The following TNFRSF1B variants were observed in gnomAD, a reference collection of about 807,000 sequenced individuals.
TNFRSF1B encodes the protein TNF receptor superfamily member 1B.
TNFRSF1B carries 19 observed loss-of-function variants against 44.6 expected under a neutral mutation model. The ratio of observed to expected loss-of-function variants is 0.43; its 90% CI spans 0.30 to 0.62. The LOEUF (loss-of-function observed/expected upper bound fraction) is 0.62, where lower values mean the gene tolerates loss of function less well. TNFRSF1B is among the 20% of genes least tolerant of loss of function. The pLI is 0.16. For synonymous variants in TNFRSF1B, 252 were observed against 261.1 expected (o/e 0.97, Z 0.34); for missense variants, 541 against 619.9 (o/e 0.87, Z 1.35).
rs1423915080 is a variant in TNFRSF1B, at chr1:12,180,204, A to G, written c.79-8592A>G. On this transcript the variant is annotated intron_variant, in intron 1 of 9. Transcript: ENST00000376259. The surrounding 1 kb of genome is among the most constrained non-coding windows in gnomAD (Gnocchi z 4.3). ...CAGCACTTTGGGAGGCTGAGGGAGG[A>G]GGATCGCTTAAGGCCAGGAGTTCAA... Among the ~76,000 whole-genome samples the G allele has an allele frequency of 1.3e-5, 2 of 152,148 alleles. No individual in the cohort carries two copies. The highest frequency in any genetic ancestry group is 2.9e-5 in the Non-Finnish European group (2 of 68,016).
chr1:12,200,071 A>G (rs1639353233), intron 8 of TNFRSF1B, among the ~76,000 whole-genome samples: 2 of 152,102 alleles, frequency 1.3e-5, no homozygotes, highest in Admixed American at 1.3e-4. Flanking sequence ...ACACCCAGGA[A>G]AGGCCCTTTG....
At position 12,187,171 on chromosome 1, in the gene TNFRSF1B, G is replaced by C. The variant is rs1418067578; in HGVS notation, c.79-1625G>C. 7.1e-6 allele frequency among the ~76,000 whole-genome samples: 1 copy of C among 141,524 alleles called. No homozygotes were observed. Among genetic ancestry groups the C allele is most frequent in the Non-Finnish European group, 1.5e-5 (1 of 65,612 alleles). 92.8% of individuals were successfully genotyped at this position (141,524 alleles called of 152,430 possible). A position where few individuals can be genotyped will look rare whatever the true frequency, so the allele number is the denominator to read the frequency against. ...TCTCCCCTCTTTTTTTTTTTTTTTC[G>C]AGATGGAGTTTTGCTCTGTCAATTA... On this transcript the variant is annotated intron_variant, in intron 1 of 9. Coordinates refer to ENST00000376259, the MANE Select transcript of TNFRSF1B (RefSeq NM_001066.3). This position sits in a 1 kb window ranked among gnomAD's most constrained non-coding sequence, Gnocchi z 5.5.
intron 9 of TNFRSF1B, among the ~76,000 whole-genome samples, chr1:12,203,076 C>T (rs1409108657): frequency 6.6e-6 from 1 of 152,244 alleles, no homozygotes; most frequent in Non-Finnish European, 1.5e-5. Flanking sequence ...GGCCCCTGTA[C>T]AGGGTCTGCT....
chr1:12,197,232 G>A (rs994041737), intron 8 of TNFRSF1B, among the ~76,000 whole-genome samples: 2 of 152,198 alleles, frequency 1.3e-5, no homozygotes, highest in African/African-American at 4.8e-5. Flanking sequence ...AGAGGCATAA[G>A]CCACCACGCC....
chr1:12,200,942 T>G (rs1639378271), intron 8 of TNFRSF1B, among the ~76,000 whole-genome samples: 1 of 152,170 alleles, frequency 6.6e-6, no homozygotes, highest in Admixed American at 6.5e-5. Context: ...TTAAACATTT[T>G]TTTTTCAACC....
chr1:12,192,310 G>T, intron 4 of TNFRSF1B, 121 bp from the exon 5 acceptor site: 1 of 756,852 alleles, frequency 1.3e-6, no homozygotes, highest in Non-Finnish European at 2.3e-6. Context: ...GTGTGTGTAA[G>T]GGGTGGAGGT....
At chr1:12,193,547 T>C (rs1262847657) in intron 6 of TNFRSF1B, among the ~76,000 whole-genome samples, 1 of 152,234 alleles carries the variant, frequency 6.6e-6, no homozygotes, top group Admixed American at 6.5e-5. Context: ...CACTCCAGCC[T>C]GGGCAATGAG....
rs1557628644 is a variant in TNFRSF1B, at chr1:12,183,662, A to ATCTATCTATCTATCTATCTATCTAT, written c.79-5133_79-5109dup. Among the ~76,000 whole-genome samples the ATCTATCTATCTATCTATCTATCTAT allele has an allele frequency of 3.3e-3, 318 of 95,460 alleles. 13 individuals are homozygous for ATCTATCTATCTATCTATCTATCTAT. The highest frequency in any genetic ancestry group is 0.011 in the Middle Eastern group (2 of 186). 62.6% of individuals were successfully genotyped at this position (95,460 alleles called of 152,430 possible). On this transcript the variant is annotated intron_variant, in intron 1 of 9. Transcript: ENST00000376259. ...TCTAGCTATTTTATCTATTTTATCT[A>ATCTATCTATCTATCTATCTATCTAT]TCTATCTATCTATCTATCTATCTAT...
intron 1 of TNFRSF1B, among the ~76,000 whole-genome samples, chr1:12,183,711 T>TCTATTCTA (rs1553163383): frequency 0.033 from 3,074 of 92,890 alleles, 129 homozygotes; most frequent in East Asian, 0.081. Context: ...TATCTATCTA[T>TCTATTCTA]TCTATCTACC....
chr1:12,196,042 T>C (rs1639258978), intron 8 of TNFRSF1B, among the ~76,000 whole-genome samples: 1 of 152,236 alleles, frequency 6.6e-6, no homozygotes, highest in South Asian at 2.1e-4. Flanking sequence ...GGCTCACTCC[T>C]GTAATCCCAG....
intron 8 of TNFRSF1B, among the ~76,000 whole-genome samples, chr1:12,198,984 C>T (rs1047013436): frequency 3.3e-5 from 5 of 152,094 alleles, no homozygotes; most frequent in Non-Finnish European, 7.4e-5. Context: ...TGAGCCACTG[C>T]GCCCGGCCCT....
intron 8 of TNFRSF1B, among the ~76,000 whole-genome samples, chr1:12,200,112 C>T (rs192539202): frequency 6.3e-4 from 96 of 152,240 alleles, no homozygotes; most frequent in African/African-American, 2.2e-3. Context: ...ATGTCCTAAC[C>T]GTGACCTTGG....
intron 8 of TNFRSF1B, among the ~76,000 whole-genome samples, chr1:12,200,123 G>T (rs1639354365): frequency 6.6e-6 from 1 of 152,146 alleles, no homozygotes; most frequent in Non-Finnish European, 1.5e-5. Context: ...GTGACCTTGG[G>T]CAAGTAACTC....
At chr1:12,185,076 GCCA>G (rs1638951381) in intron 1 of TNFRSF1B, among the ~76,000 whole-genome samples, 1 of 152,158 alleles carries the variant, frequency 6.6e-6, no homozygotes, top group Non-Finnish European at 1.5e-5. Flanking sequence ...TTTGCCGAGG[GCCA>G]GGAAGACCCT....
At position 12,187,004 on chromosome 1, in the gene TNFRSF1B, G is replaced by A. The variant is rs1010397016; in HGVS notation, c.79-1792G>A. Among the ~76,000 whole-genome samples the A allele has an allele frequency of 1.3e-5, 2 of 152,168 alleles. No homozygotes were observed. The highest frequency in any genetic ancestry group is 2.9e-5 in the Non-Finnish European group (2 of 68,022). The stretch of plus-strand genomic sequence containing the variant: ...GGCAGGACTCAGGGGCTTGCTCCCG[G>A]GGGTCCTGGGAAGGCACAATGGTGA... On this transcript the variant is annotated intron_variant, in intron 1 of 9. Transcript: ENST00000376259. The surrounding 1 kb of genome is among the most constrained non-coding windows in gnomAD (Gnocchi z 5.5).
At position 12,208,136 on chromosome 1, in the gene TNFRSF1B, C is replaced by CCACCTGCCATTTG. The variant is rs1299227882; in HGVS notation, c.*1121_*1133dup. 6.5e-6 allele frequency: 1 copy of CCACCTGCCATTTG among 153,076 alleles called. No homozygotes were observed. Among genetic ancestry groups the CCACCTGCCATTTG allele is most frequent in the Non-Finnish European group, 1.5e-5 (1 of 68,228 alleles). 9.5% of individuals were successfully genotyped at this position (153,076 alleles called of 1,614,324 possible). ...AACTCTGCCAGCCACATCCAACCCC[C>CCACCTGCCATTTG]CACCTGCCATTTGCACCCTCCGCCT... On this transcript the variant is annotated 3_prime_UTR_variant, in exon 10 of 10. Transcript: ENST00000376259.
chr1:12,187,856 G>C lies in TNFRSF1B; in HGVS notation c.79-940G>C, dbSNP rs1017270760. On this transcript the variant is annotated intron_variant, in intron 1 of 9. Coordinates refer to ENST00000376259, the MANE Select transcript of TNFRSF1B (RefSeq NM_001066.3). This position sits in a 1 kb window ranked among gnomAD's most constrained non-coding sequence, Gnocchi z 5.5. ...TTCACCAGCTTCAGCCCAACACCAC[G>C]GGGGTGGCTCTGGACCATGAATTGT... Among the ~76,000 whole-genome samples the C allele has an allele frequency of 6.6e-6, 1 of 152,174 alleles. No individual in the cohort carries two copies. Among genetic ancestry groups the C allele is most frequent in the Admixed American group, 6.5e-5 (1 of 15,286 alleles).
intron 8 of TNFRSF1B, among the ~76,000 whole-genome samples, chr1:12,196,940 A>T (rs1326225748): frequency 1.4e-5 from 2 of 140,746 alleles, no homozygotes; most frequent in African/African-American, 2.7e-5. Flanking sequence ...TCCCTTTTCC[A>T]TTTTTTTTTT....
Position 12,171,576 on chromosome 1 carries a change from T to C in TNFRSF1B, c.78+4407T>C, listed in dbSNP as rs1638524729. On this transcript the variant is annotated intron_variant, in intron 1 of 9. Transcript: ENST00000376259. This position sits in a 1 kb window ranked among gnomAD's most constrained non-coding sequence, Gnocchi z 4.5. Reference sequence around the variant, plus strand: ...CTATTTATTTCACTTTTATTATGTCTTCCCACAAGATTGTAAGTACCGTGA... The same window carrying C: ...CTATTTATTTCACTTTTATTATGTCCTCCCACAAGATTGTAAGTACCGTGA... 1.3e-5 allele frequency among the ~76,000 whole-genome samples: 2 copies of C among 152,240 alleles called. No individual in the cohort carries two copies. The highest frequency in any genetic ancestry group is 1.3e-4 in the Admixed American group (2 of 15,292).
Sources: allele counts gnomAD v4.1 joint callset (sites outside exome capture counted in the v4.1 genomes callset), GRCh38; gene constraint gnomAD v4.1.1; non-coding constraint Gnocchi (gnomAD v3.1); transcripts MANE v1.5; gene names NCBI Gene and HGNC (gene_info 2026-07-23, HGNC 2026-07-21).